The following NBEA variants were observed in gnomAD, a reference collection of about 807,000 sequenced individuals.
NBEA encodes the protein lysosomal-trafficking regulator 2.
Under a neutral mutation model 343.4 loss-of-function variants are expected in NBEA, and 44 were observed. The ratio of observed to expected loss-of-function variants is 0.13; its 90% CI spans 0.10 to 0.16. The LOEUF (loss-of-function observed/expected upper bound fraction) is 0.16. NBEA is among the 10% of genes least tolerant of loss of function. The pLI, the probability that NBEA is intolerant of heterozygous loss-of-function variation, is 1.00. For missense variants in NBEA, 2,555 were observed against 3,631.3 expected, an observed-to-expected ratio of 0.70 and a Z score of 7.62; for synonymous variants, 1,175 against 1,238.7, an observed-to-expected ratio of 0.95 and a Z score of 1.08.
intron 38 of NBEA, among the ~76,000 whole-genome samples, chr13:35,392,012 T>A (rs967265072): frequency 6.6e-6 from 1 of 152,092 alleles, no homozygotes; most frequent in Non-Finnish European, 1.5e-5. Flanking sequence ...AACTTATATA[T>A]AGGGGAGACG....
chr13:35,258,988 T>C (rs1434256673), intron 34 of NBEA, among the ~76,000 whole-genome samples: 2 of 152,178 alleles, frequency 1.3e-5, no homozygotes, highest in African/African-American at 4.8e-5. Flanking sequence ...TTCAGTAGGT[T>C]AGCTATATTA....
intron 55 of NBEA, among the ~76,000 whole-genome samples, chr13:35,660,582 T>C (rs993038156): frequency 4.6e-5 from 7 of 152,160 alleles, no homozygotes; most frequent in Non-Finnish European, 8.8e-5. Flanking sequence ...TGGGCTCCCA[T>C]TGTGTATGCC....
intron 5 of NBEA, 65 bp from the exon 6 acceptor site, chr13:35,050,204 A>G (rs2063016853): frequency 6.9e-7 from 1 of 1,443,972 alleles, no homozygotes; most frequent in Non-Finnish European, 9.5e-7. Context: ...AGAATGTTTA[A>G]TAGCCATTAG....
At chr13:35,232,357 T>C (rs2075023303) in intron 33 of NBEA, 135 bp from the exon 34 acceptor site, 1 of 625,608 alleles carries the variant, frequency 1.6e-6, no homozygotes, top group Non-Finnish European at 2.7e-6. Context: ...GTATCCCTTA[T>C]ACATGAAGCT....
At position 35,159,495 on chromosome 13, in the gene NBEA, G is replaced by C. The variant is rs1161312336; in HGVS notation, c.3324G>C (p.Gln1108His). The change falls in exon 22 of 59, where the codon CAG (glutamine) becomes CAC (histidine). Residue 1108 changes from glutamine to histidine, a missense_variant. Physicochemically the swap from Gln to His is conservative, Grantham distance 24. Transcript: ENST00000379939. ...ATAGTGCTGCTGTTGAGAAACTCCA[G>C]AACAATGTACATGGAAGTGTTGGTA... ...NVYSAAVEKLQNNVHGSVGII... is the reference protein window; with the variant it reads ...NVYSAAVEKLHNNVHGSVGII... The C allele has an allele frequency of 3.1e-6, 5 of 1,613,000 alleles. No individual in the cohort carries two copies. The highest frequency in any genetic ancestry group is 1.1e-5 in the South Asian group (1 of 91,034).
intron 10 of NBEA, among the ~76,000 whole-genome samples, chr13:35,090,800 A>G (rs569633023): frequency 6.6e-6 from 1 of 152,026 alleles, no homozygotes; most frequent in South Asian, 2.1e-4. Context: ...TGCAAGAAAA[A>G]CACCCTACAT....
chr13:35,287,694 C>G (rs1342818865), intron 34 of NBEA, among the ~76,000 whole-genome samples: 1 of 151,992 alleles, frequency 6.6e-6, no homozygotes, highest in Non-Finnish European at 1.5e-5. Flanking sequence ...ACCATTACAA[C>G]CCTTCTCATA....
At chr13:35,362,795 G>A (rs180919052) in intron 38 of NBEA, among the ~76,000 whole-genome samples, 2 of 151,950 alleles carry the variant, frequency 1.3e-5, no homozygotes, top group African/African-American at 4.8e-5. Context: ...TCCAAAACAA[G>A]AGTTCTTAAA....
At chr13:35,242,587 A>G (rs2030495608) in intron 34 of NBEA, among the ~76,000 whole-genome samples, 1 of 151,888 alleles carries the variant, frequency 6.6e-6, no homozygotes, top group South Asian at 2.1e-4. Context: ...AGACACATAC[A>G]GAGACACATT....
chr13:35,025,081 G>A (rs1172268480), intron 1 of NBEA, among the ~76,000 whole-genome samples: 1 of 152,058 alleles, frequency 6.6e-6, no homozygotes, highest in Non-Finnish European at 1.5e-5. Flanking sequence ...TAGACTTTTT[G>A]TAGGATGCAT....
intron 38 of NBEA, among the ~76,000 whole-genome samples, chr13:35,407,343 G>T (rs2043324202): frequency 1.3e-5 from 2 of 151,756 alleles, no homozygotes; most frequent in Admixed American, 6.6e-5. Flanking sequence ...TCAGATACCA[G>T]AAAATTAGGC....
intron 1 of NBEA, among the ~76,000 whole-genome samples, chr13:34,957,073 A>G (rs1327272265): frequency 1.3e-5 from 2 of 152,120 alleles, no homozygotes; most frequent in Non-Finnish European, 2.9e-5. Context: ...ATACATATGT[A>G]TAAACACAAA....
chr13:35,073,230 A>G (rs909412628), intron 10 of NBEA, among the ~76,000 whole-genome samples: 4 of 152,194 alleles, frequency 2.6e-5, no homozygotes, highest in Admixed American at 1.3e-4. Flanking sequence ...TTATGGCTAT[A>G]TCATCAGTTC....
chr13:35,347,343 G>C (rs980097273), intron 36 of NBEA, among the ~76,000 whole-genome samples: 1 of 151,876 alleles, frequency 6.6e-6, no homozygotes, highest in Non-Finnish European at 1.5e-5. Flanking sequence ...TTAATGAGCA[G>C]TGAAAAAAAG....
At chr13:35,328,507 T>C (rs1023659491) in intron 36 of NBEA, among the ~76,000 whole-genome samples, 1 of 151,954 alleles carries the variant, frequency 6.6e-6, no homozygotes, top group African/African-American at 2.4e-5. Context: ...TATAATTGGA[T>C]TGTTCGTAAC....
At chr13:35,143,156 A>C (rs887115735) in intron 18 of NBEA, among the ~76,000 whole-genome samples, 1 of 152,208 alleles carries the variant, frequency 6.6e-6, no homozygotes, top group Non-Finnish European at 1.5e-5. Context: ...ATAATATATG[A>C]GTTGTAAAAT....
At position 34,942,555 on chromosome 13, in the gene NBEA, T is replaced by TGCTGGGCGGGCACAGCC. The variant is rs2059060858; in HGVS notation, c.-262_-246dup. 4.8e-6 allele frequency: 1 copy of TGCTGGGCGGGCACAGCC among 209,994 alleles called. No homozygotes were observed. 13.0% of individuals were successfully genotyped at this position (209,994 alleles called of 1,614,324 possible). A position where few individuals can be genotyped will look rare whatever the true frequency, so the allele number is the denominator to read the frequency against. On this transcript the variant is annotated 5_prime_UTR_variant, in exon 1 of 59. Transcript: ENST00000379939. The stretch of plus-strand genomic sequence containing the variant: ...GCAGCGGCAGCGGCAGCGGCACACC[T>TGCTGGGCGGGCACAGCC]GCTGGGCGGGCACAGCCGCTTGCCC...
intron 1 of NBEA, among the ~76,000 whole-genome samples, chr13:35,028,434 G>A (rs74051218): frequency 0.043 from 6,479 of 151,798 alleles, 244 homozygotes; most frequent in African/African-American, 0.097. Context: ...GTATTTTAAA[G>A]TTTCTGTTTC....
intron 45 of NBEA, among the ~76,000 whole-genome samples, chr13:35,571,058 G>C (rs1370784653): frequency 6.6e-6 from 1 of 152,106 alleles, no homozygotes; most frequent in Non-Finnish European, 1.5e-5. Context: ...AACAACAAAA[G>C]TAGTTGTTTC....
Sources: gnomAD v4.1 joint callset for allele counts (sites outside exome capture counted in the v4.1 genomes callset) on GRCh38, gnomAD v4.1.1 for gene constraint, MANE v1.5 for transcripts, NCBI Gene and HGNC (gene_info 2026-07-23, HGNC 2026-07-21) for gene names.